Variants in LCTL observed in about 807,000 individuals in gnomAD.
LCTL encodes the protein lactase-like protein.
Under a neutral mutation model 75.8 loss-of-function variants are expected in LCTL, and 76 were observed. The observed-to-expected ratio is 1.00, with a 90% confidence interval of 0.83 to 1.21. LCTL has a LOEUF of 1.21. Among genes scored for constraint, LCTL ranks in the 50% most tolerant of loss-of-function variants. The pLI is 0.00. For missense variants in LCTL, 670 were observed against 712.4 expected (o/e 0.94, Z 0.68); for synonymous variants, 271 against 268.8 (o/e 1.01, Z -0.08).
exon 11 of LCTL, chr15:66,551,849 C>A (rs771603952): frequency 2.5e-6 from 4 of 1,611,136 alleles, no homozygotes; most frequent in Non-Finnish European, 2.5e-6. Context: ...TATATTAGCA[C>A]CATCTTTTAT....
chr15:66,563,866 C>G, intron 3 of LCTL, 45 bp downstream of exon 4: 2 of 1,478,360 alleles, frequency 1.4e-6, no homozygotes, highest in Non-Finnish European at 1.9e-6. Context: ...CCAACATTGC[C>G]GGAAGGGGCC....
chr15:66,552,072 A>G, exon 10 of LCTL: 1 of 1,612,708 alleles, frequency 6.2e-7, no homozygotes, highest in Non-Finnish European at 8.5e-7. Flanking sequence ...GTATCCTTTA[A>G]GGTATTGAAT....
chr15:66,552,714 T>G (rs1895639707), intron 9 of LCTL, among the ~76,000 whole-genome samples: 1 of 151,620 alleles, frequency 6.6e-6, no homozygotes, highest in Admixed American at 6.6e-5. Flanking sequence ...ACATGTACTT[T>G]GGTCTTGTTC....
chr15:66,547,556 A>T (rs564413729), exon 13 of LCTL: 11 of 152,216 alleles, frequency 7.2e-5, no homozygotes, highest in Non-Finnish European at 1.5e-4. Flanking sequence ...AATCTTTATT[A>T]TAAAAAAGAC....
chr15:66,551,609 C>A, intron 11 of LCTL, 53 bp downstream of exon 12: 1 of 1,425,548 alleles, frequency 7.0e-7, no homozygotes, highest in Non-Finnish European at 9.8e-7. Flanking sequence ...TGTGTTCCAG[C>A]TATCTAGCTC....
intron 8 of LCTL, among the ~76,000 whole-genome samples, chr15:66,556,131 A>G (rs765185862): frequency 2.6e-5 from 4 of 152,224 alleles, no homozygotes; most frequent in Non-Finnish European, 5.9e-5. Context: ...AATTTTTCAT[A>G]TGACCCAGCA....
At chr15:66,551,977 G>T in intron 10 of LCTL, 66 bp downstream of exon 11, 1 of 1,566,902 alleles carries the variant, frequency 6.4e-7, no homozygotes, top group Non-Finnish European at 8.7e-7. Context: ...TCAGTTGATT[G>T]TGTGTTAATC....
chr15:66,548,408 A>C lies in LCTL; in HGVS notation c.*82T>G, dbSNP rs1013464403. On this transcript the variant is annotated 3_prime_UTR_variant, in exon 13 of 13. Coordinates refer to ENST00000341509, the Ensembl canonical transcript of LCTL. ...AATTATTGTAGAACCTGAAAACAGC[A>C]ATGTATGGAAACCCTCAAAGCAGAA... The C allele has an allele frequency of 6.5e-6, 4 of 610,812 alleles. No homozygotes were observed. The African/African-American group carries it at 7.4e-5, about 11-fold the overall frequency. 37.8% of individuals were successfully genotyped at this position (610,812 alleles called of 1,614,324 possible).
chr15:66,552,733 A>C (rs1895640425), intron 9 of LCTL, among the ~76,000 whole-genome samples: 1 of 151,800 alleles, frequency 6.6e-6, no homozygotes, highest in South Asian at 2.1e-4. Context: ...TCTTTGCCAC[A>C]TATTCCAGTT....
chr15:66,563,542 T>G (rs1895946698), exon 4 of LCTL: 1 of 1,612,066 alleles, frequency 6.2e-7, no homozygotes, highest in African/African-American at 1.3e-5. Context: ...TGGTGCAAGG[T>G]CACGATGGGA....
intron 12 of LCTL, chr15:66,549,289 A>G (rs1018395236): frequency 6.6e-6 from 1 of 151,930 alleles, no homozygotes; most frequent in African/African-American, 2.4e-5. Context: ...ATACATTCTT[A>G]GTATTGCCTG....
exon 1 of LCTL, chr15:66,565,468 G>A (rs1896004614): frequency 1.5e-6 from 1 of 682,198 alleles, no homozygotes; most frequent in African/African-American, 1.8e-5. Flanking sequence ...GGCCAAGTGG[G>A]GAGAGGAAGG....
Position 66,551,733 on chromosome 15 carries a change from G to A in LCTL, c.1453C>T (p.Arg485Cys), listed in dbSNP as rs760173026. ...TATTGAACTGAAGCCTTTGGATAGC[G>A]AGGCTTATTTCTGTCGTTAAATTCA... Residue 485 changes from arginine (R) to cysteine (C), a missense_variant, in exon 11 of 13, where the codon CGC (arginine) becomes TGC (cysteine). By Grantham distance (180) the Arg-to-Cys change is radical (BLOSUM62 -3). Coordinates refer to ENST00000341509, the Ensembl canonical transcript of LCTL. The A allele has an allele frequency of 4.3e-6, 7 of 1,613,746 alleles. No individual in the cohort carries two copies. The highest frequency in any genetic ancestry group is 1.3e-5 in the African/African-American group (1 of 74,914).
At chr15:66,548,411 GT>G in exon 13 of LCTL, 1 of 653,492 alleles carries the variant, frequency 1.5e-6, no homozygotes, top group Non-Finnish European at 2.6e-6. Context: ...AAACAGCAAT[GT>G]ATGGAAACCC....
exon 1 of LCTL, chr15:66,565,318 C>T (rs1422112903): frequency 1.9e-6 from 3 of 1,613,728 alleles, no homozygotes; most frequent in Non-Finnish European, 2.5e-6. Context: ...CCAGCCTGGG[C>T]ACCAGCAGTA....
At chr15:66,549,816 C>T (rs1490827416) in intron 12 of LCTL, 3 of 372,932 alleles carry the variant, frequency 8.0e-6, no homozygotes, top group South Asian at 7.3e-5. Flanking sequence ...AAGAATAAAA[C>T]TTGAATGGAT....
At chr15:66,554,997 C>T (rs979702860) in intron 8 of LCTL, among the ~76,000 whole-genome samples, 3 of 152,128 alleles carry the variant, frequency 2.0e-5, no homozygotes, top group South Asian at 2.1e-4. Context: ...ACAAAAAAGA[C>T]TTTTAATATA....
chr15:66,557,703 A>G lies in LCTL; in HGVS notation c.922+19T>C, dbSNP rs1895770813. The G allele has an allele frequency of 1.2e-6, 2 of 1,608,048 alleles. No individual in the cohort carries two copies. Among genetic ancestry groups the G allele is most frequent in the African/African-American group, 2.7e-5 (2 of 74,738 alleles). ...TAACTTGCCCTAGTATCTGCAGTTTAAAATGAGACTGGGCTCACCAATGTA... is the reference window on the plus strand; with the variant it reads ...TAACTTGCCCTAGTATCTGCAGTTTGAAATGAGACTGGGCTCACCAATGTA... On this transcript the variant is annotated intron_variant, in intron 8 of 12. Transcript: ENST00000341509.
chr15:66,563,401 C>A (rs556577901), intron 4 of LCTL, 115 bp downstream of exon 5: 1 of 623,282 alleles, frequency 1.6e-6, no homozygotes, highest in Non-Finnish European at 2.9e-6. Context: ...TATAGTCCTG[C>A]GCCAGAATCC....
Sources: allele counts gnomAD v4.1 joint callset (sites outside exome capture counted in the v4.1 genomes callset), GRCh38; gene constraint gnomAD v4.1.1; transcripts MANE v1.5; gene names NCBI Gene and HGNC (gene_info 2026-07-23, HGNC 2026-07-21).